UMAD1: variants seen among roughly 807,000 people sequenced by gnomAD.
The protein encoded by UMAD1 is UBAP1-MVB12-associated (UMA)-domain containing protein 1.
A neutral mutation model predicts 6.1 loss-of-function variants in UMAD1; 8 were observed. That is an observed-to-expected ratio of 1.30 (90% CI 0.76 to 2.35). The LOEUF (loss-of-function observed/expected upper bound fraction) is 2.35. Ranked by LOEUF, UMAD1 falls within the 30% of genes most tolerant of loss-of-function variation. The pLI, the probability that UMAD1 is intolerant of heterozygous loss-of-function variation, is 0.00. For missense variants in UMAD1, 130 were observed against 78.4 expected (o/e 1.66, Z -2.49); for synonymous variants, 56 against 31.4 (o/e 1.78, Z -2.61).
At chr7:7,796,879 C>T (rs1023845860) in intron 2 of UMAD1, among the ~76,000 whole-genome samples, 3 of 152,164 alleles carry the variant, frequency 2.0e-5, no homozygotes, top group Non-Finnish European at 2.9e-5. Context: ...AAACCCTACC[C>T]CCAAACTCCT....
At chr7:7,642,001 A>C (rs930636341) in intron 1 of UMAD1, among the ~76,000 whole-genome samples, 1 of 152,216 alleles carries the variant, frequency 6.6e-6, no homozygotes, top group African/African-American at 2.4e-5. Context: ...GGTGTATAAA[A>C]AAGTTGTGGT....
chr7:7,724,340 G>T (rs1781101819), intron 2 of UMAD1, among the ~76,000 whole-genome samples: 1 of 152,154 alleles, frequency 6.6e-6, no homozygotes, highest in Non-Finnish European at 1.5e-5. Context: ...AGTGTGTCCA[G>T]TGGGTCCCCA....
chr7:7,682,480 G>A (rs1331378025), intron 2 of UMAD1, among the ~76,000 whole-genome samples: 1 of 151,998 alleles, frequency 6.6e-6, no homozygotes, highest in Non-Finnish European at 1.5e-5. Flanking sequence ...TCGCTGTGTT[G>A]TTTCCTTTAT....
intron 2 of UMAD1, among the ~76,000 whole-genome samples, chr7:7,695,439 A>AT (rs28912704): frequency 0.051 from 7,780 of 152,122 alleles, 249 homozygotes; most frequent in Middle Eastern, 0.12. Flanking sequence ...TAATACGTTG[A>AT]TTTTTTTTAC....
At chr7:7,873,553 T>A (rs1371585656) in intron 3 of UMAD1, among the ~76,000 whole-genome samples, 1 of 152,214 alleles carries the variant, frequency 6.6e-6, no homozygotes, top group East Asian at 1.9e-4. Flanking sequence ...TATGATTACA[T>A]TTGTTAGTTG....
intron 1 of UMAD1, among the ~76,000 whole-genome samples, chr7:7,643,314 A>T (rs562731423): frequency 1.3e-5 from 2 of 152,208 alleles, no homozygotes; most frequent in African/African-American, 4.8e-5. Context: ...ATGGGCGTGC[A>T]TGTAACTCCC....
chr7:7,716,945 G>A (rs768908657), intron 2 of UMAD1, among the ~76,000 whole-genome samples: 6 of 152,102 alleles, frequency 3.9e-5, no homozygotes, highest in Admixed American at 2.0e-4. Context: ...ATCAGACACC[G>A]CCTCCTATAA....
chr7:7,823,929 C>G (rs1307395980), intron 3 of UMAD1, among the ~76,000 whole-genome samples: 2 of 152,090 alleles, frequency 1.3e-5, no homozygotes, highest in African/African-American at 4.8e-5. Flanking sequence ...AAATGCCTAG[C>G]AGTATAATCC....
intron 3 of UMAD1, among the ~76,000 whole-genome samples, chr7:7,808,885 A>C (rs900288831): frequency 3.9e-5 from 6 of 151,998 alleles, no homozygotes; most frequent in African/African-American, 1.4e-4. Flanking sequence ...GTAGAGCTGC[A>C]AAGTAGGATT....
At chr7:7,757,426 G>A (rs778791304) in intron 2 of UMAD1, among the ~76,000 whole-genome samples, 14 of 152,278 alleles carry the variant, frequency 9.2e-5, no homozygotes, top group East Asian at 1.9e-4. Context: ...CCATGTGAAC[G>A]TAGTACAGGT....
At chr7:7,827,037 C>A (rs1190925085) in intron 3 of UMAD1, among the ~76,000 whole-genome samples, 1 of 151,322 alleles carries the variant, frequency 6.6e-6, no homozygotes, top group Non-Finnish European at 1.5e-5. Context: ...ATAGTATGCC[C>A]CATTTGCATA....
At chr7:7,684,080 T>C (rs1779981581) in intron 2 of UMAD1, among the ~76,000 whole-genome samples, 3 of 152,190 alleles carry the variant, frequency 2.0e-5, no homozygotes, top group Non-Finnish European at 4.4e-5. Context: ...TCCCATATAC[T>C]TTAAATCATC....
intron 1 of UMAD1, among the ~76,000 whole-genome samples, chr7:7,642,895 G>T (rs1484086699): frequency 6.6e-6 from 1 of 152,082 alleles, no homozygotes; most frequent in Non-Finnish European, 1.5e-5. Flanking sequence ...GTTGCTAAAT[G>T]GTATGTTGTT....
At chr7:7,841,439 G>A (rs929419620) in intron 3 of UMAD1, among the ~76,000 whole-genome samples, 2 of 151,606 alleles carry the variant, frequency 1.3e-5, no homozygotes, top group African/African-American at 4.8e-5. Context: ...AGTACACTGG[G>A]ACCACAGGCA....
chr7:7,835,380 C>A (rs71533380), intron 3 of UMAD1, among the ~76,000 whole-genome samples: 3 of 125,444 alleles, frequency 2.4e-5, no homozygotes, highest in African/African-American at 9.1e-5. Flanking sequence ...ATTGTAACTT[C>A]TGCTTTCTTT....
chr7:7,723,010 C>A (rs1362839298), intron 2 of UMAD1, among the ~76,000 whole-genome samples: 1 of 148,432 alleles, frequency 6.7e-6, no homozygotes, highest in Non-Finnish European at 1.5e-5. Flanking sequence ...GAGATAAACC[C>A]TGCACTGCCT....
chr7:7,748,103 A>AT (rs35368211), intron 2 of UMAD1, among the ~76,000 whole-genome samples: 97 of 140,156 alleles, frequency 6.9e-4, no homozygotes, highest in Admixed American at 1.5e-3. Context: ...CGCCCAGCTA[A>AT]TTTTTTTTTT....
At chr7:7,732,304 T>G (rs1331147345) in intron 2 of UMAD1, among the ~76,000 whole-genome samples, 2 of 152,064 alleles carry the variant, frequency 1.3e-5, no homozygotes, top group African/African-American at 4.8e-5. Flanking sequence ...AATCAATAAA[T>G]TCTGTGAAGT....
chr7:7,784,185 T>C (rs1782408671), intron 2 of UMAD1, among the ~76,000 whole-genome samples: 1 of 152,172 alleles, frequency 6.6e-6, no homozygotes, highest in South Asian at 2.1e-4. Context: ...TAAACTCTCT[T>C]TTGTTATTTG....
Sources: gnomAD v4.1 joint callset for allele counts (sites outside exome capture counted in the v4.1 genomes callset) on GRCh38, gnomAD v4.1.1 for gene constraint, MANE v1.5 for transcripts, NCBI Gene and HGNC (gene_info 2026-07-23, HGNC 2026-07-21) for gene names.